GRB10: variants seen among roughly 807,000 people sequenced by gnomAD.
GRB10 encodes growth factor receptor bound protein 10.
In GRB10, 20 loss-of-function variants were observed where a neutral mutation model predicts 80.9. That is an observed-to-expected ratio of 0.25 (90% CI 0.17 to 0.36). The LOEUF (loss-of-function observed/expected upper bound fraction) is 0.36. Among genes scored for constraint, GRB10 ranks in the 10% least tolerant of loss-of-function variants. GRB10 has a pLI of 1.00. For synonymous variants in GRB10, 291 were observed against 291.5 expected (o/e 1.00, Z 0.02); for missense variants, 548 against 747.7 (o/e 0.73, Z 3.12).
intron 4 of GRB10, among the ~76,000 whole-genome samples, chr7:50,716,897 C>T (rs373345093): frequency 6.6e-6 from 1 of 152,106 alleles, no homozygotes; most frequent in Non-Finnish European, 1.5e-5. Context: ...GAAAAGATTA[C>T]GATAAACTAC....
intron 5 of GRB10, among the ~76,000 whole-genome samples, chr7:50,690,320 C>A (rs2715121): frequency 2.1e-4 from 31 of 148,628 alleles, no homozygotes; most frequent in South Asian, 8.4e-4. Flanking sequence ...AACAAACAAA[C>A]AAAAAAAACA....
At chr7:50,695,473 AAGCAGGG>A (rs2063322056) in intron 5 of GRB10, among the ~76,000 whole-genome samples, 1 of 53,106 alleles carries the variant, frequency 1.9e-5, no homozygotes, top group Admixed American at 3.4e-4. Context: ...TTTCTTTCTT[AAGCAGGG>A]GCAAAGAATA....
intron 17 of GRB10, among the ~76,000 whole-genome samples, chr7:50,597,755 T>C (rs1458475580): frequency 2.0e-5 from 3 of 152,216 alleles, no homozygotes; most frequent in Non-Finnish European, 4.4e-5. Flanking sequence ...GCGGGGAGAA[T>C]GGCATGGCTT....
intron 5 of GRB10, among the ~76,000 whole-genome samples, chr7:50,697,280 C>A (rs1252933643): frequency 1.3e-5 from 2 of 152,200 alleles, no homozygotes; most frequent in African/African-American, 4.8e-5. Context: ...ATACAAACGA[C>A]TAAAATGGTT....
intron 7 of GRB10, among the ~76,000 whole-genome samples, chr7:50,629,387 G>A (rs551958708): frequency 5.3e-5 from 8 of 152,042 alleles, no homozygotes; most frequent in South Asian, 2.1e-4. Context: ...TTGGTCACAC[G>A]TCCACATCCA....
At chr7:50,662,304 G>A (rs2237463) in intron 7 of GRB10, among the ~76,000 whole-genome samples, 62,397 of 152,080 alleles carry the variant, frequency 0.41, 12,891 homozygotes, top group Admixed American at 0.45. Flanking sequence ...CAGGATGTGC[G>A]AGGCACAATC....
chr7:50,660,696 A>G (rs956893814), intron 7 of GRB10, among the ~76,000 whole-genome samples: 2 of 152,124 alleles, frequency 1.3e-5, no homozygotes, highest in Non-Finnish European at 2.9e-5. Context: ...GAAAGGAGTT[A>G]GAGATGCAGG....
At chr7:50,655,297 C>T (rs918619357) in intron 7 of GRB10, among the ~76,000 whole-genome samples, 4 of 152,148 alleles carry the variant, frequency 2.6e-5, no homozygotes, top group Admixed American at 6.5e-5. Context: ...TTTCCACACA[C>T]GTAAGTTATT....
intron 7 of GRB10, among the ~76,000 whole-genome samples, chr7:50,663,502 T>C (rs1225736373): frequency 2.0e-5 from 3 of 152,190 alleles, no homozygotes; most frequent in Admixed American, 6.5e-5. Flanking sequence ...ACAGGGATAA[T>C]GGCATCCAAG....
At chr7:50,750,939 C>T (rs928047376) in intron 3 of GRB10, among the ~76,000 whole-genome samples, 6 of 152,182 alleles carry the variant, frequency 3.9e-5, no homozygotes, top group African/African-American at 9.6e-5. Context: ...ATCATCTCTA[C>T]CCACCTAGGA....
chr7:50,669,757 C>T lies in GRB10; in HGVS notation c.469G>A (p.Gly157Ser), dbSNP rs1303395632. ...GCGGCCTGGCTCGGAGGTAAAGAAC[C>T]CGGCGTGAGCACAGGGGGGCTCCCA... The part of the protein sequence containing the change: ...GPGSPPVLTP[G>S]SLPPSQAAAK... The change falls in exon 7 of 19, where the codon GGT (glycine) becomes AGT (serine). Residue 157 changes from glycine to serine, a missense_variant. This residue lies in a region of GRB10 where 245 missense variants were observed against 229.3 expected (regional missense o/e 1.07). Coordinates refer to ENST00000401949, the MANE Select transcript of GRB10 (RefSeq NM_001350814.2). 4 of 1,613,694 alleles carry T rather than the reference C, an allele frequency of 2.5e-6. No homozygotes were observed. The highest frequency in any genetic ancestry group is 3.4e-6 in the Non-Finnish European group (4 of 1,180,026).
intron 7 of GRB10, among the ~76,000 whole-genome samples, chr7:50,665,603 C>G (rs2059715377): frequency 6.6e-6 from 1 of 152,228 alleles, no homozygotes; most frequent in Non-Finnish European, 1.5e-5. Flanking sequence ...AAATGCTGAG[C>G]AGCTGCAGGG....
chr7:50,655,785 A>C (rs774412503), intron 7 of GRB10, among the ~76,000 whole-genome samples: 2 of 152,136 alleles, frequency 1.3e-5, no homozygotes, highest in African/African-American at 4.8e-5. Flanking sequence ...TGCCTCCTCT[A>C]TACTATCTCA....
intron 2 of GRB10, among the ~76,000 whole-genome samples, chr7:50,773,308 C>T (rs373592580): frequency 2.7e-5 from 4 of 148,262 alleles, no homozygotes; most frequent in African/African-American, 1.0e-4. Context: ...GATGTAACAC[C>T]TATTAGGACA....
intron 2 of GRB10, among the ~76,000 whole-genome samples, chr7:50,758,788 A>G (rs988171855): frequency 6.6e-6 from 1 of 152,250 alleles, no homozygotes; most frequent in Admixed American, 6.5e-5. Context: ...ATTGAGAAAT[A>G]TGTAAATAGA....
At chr7:50,786,859 C>A (rs2078714483), upstream of GRB10, among the ~76,000 whole-genome samples, 1 of 152,200 alleles carries the variant, frequency 6.6e-6, no homozygotes, top group Non-Finnish European at 1.5e-5. Context: ...AACAGCTGTG[C>A]AGGGAGCCTC....
At chr7:50,749,707 G>A (rs1223391411) in intron 3 of GRB10, among the ~76,000 whole-genome samples, 2 of 152,082 alleles carry the variant, frequency 1.3e-5, no homozygotes, top group Non-Finnish European at 2.9e-5. Context: ...GCACACTCTG[G>A]ACCCCCAGTC....
chr7:50,746,043 G>A (rs139104397), intron 3 of GRB10, among the ~76,000 whole-genome samples: 43 of 152,292 alleles, frequency 2.8e-4, no homozygotes, highest in Admixed American at 9.2e-4. Flanking sequence ...CGCTGTCCTG[G>A]GTGCCACTGA....
At chr7:50,605,150 C>A (rs1255842733) in intron 15 of GRB10, 140 bp downstream of exon 15, 4 of 591,624 alleles carry the variant, frequency 6.8e-6, no homozygotes, top group Non-Finnish European at 1.2e-5. Context: ...CCAACTGCTT[C>A]CTGCAGCTGA....
Sources: gnomAD v4.1 joint callset for allele counts (sites outside exome capture counted in the v4.1 genomes callset) on GRCh38, gnomAD v4.1.1 for gene constraint, gnomAD v4.1.1 regional missense constraint, MANE v1.5 for transcripts, NCBI Gene and HGNC (gene_info 2026-07-23, HGNC 2026-07-21) for gene names.